The following OCA2 variants were observed in gnomAD, a reference collection of about 807,000 sequenced individuals.
OCA2 encodes the protein P protein.
Under a neutral mutation model 100.2 loss-of-function variants are expected in OCA2, and 77 were observed. The observed-to-expected ratio is 0.77, with a 90% CI of 0.64 to 0.93. The LOEUF (loss-of-function observed/expected upper bound fraction) is 0.93. Ranked by LOEUF, OCA2 falls within the 40% of genes least tolerant of loss-of-function variation. The pLI, the probability that OCA2 is intolerant of heterozygous loss-of-function variation, is 0.00. For missense variants in OCA2, 1,062 were observed against 1,089.1 expected, an observed-to-expected ratio of 0.98 and a Z score of 0.35; for synonymous variants, 432 against 439.2, an observed-to-expected ratio of 0.98 and a Z score of 0.21.
At chr15:27,740,684 C>T in the OCA2 span, among the ~76,000 whole-genome samples, 1 of 152,230 alleles carries the variant, frequency 6.6e-6, no homozygotes, top group East Asian at 1.9e-4. Context: ...AAATATTGAT[C>T]CTGATGACTG....
intron 14 of OCA2, among the ~76,000 whole-genome samples, chr15:27,971,613 C>T (rs149896220): frequency 2.6e-5 from 4 of 152,256 alleles, no homozygotes; most frequent in Non-Finnish European, 2.9e-5. Context: ...GGAAATTCCA[C>T]CGACAGAGAG....
At chr15:28,052,819 C>T (rs969713838) in intron 2 of OCA2, among the ~76,000 whole-genome samples, 1 of 152,116 alleles carries the variant, frequency 6.6e-6, no homozygotes. Flanking sequence ...CCAATAATTC[C>T]TCAATGGGTA....
chr15:27,975,370 A>T (rs1392237458), intron 14 of OCA2, among the ~76,000 whole-genome samples: 8 of 152,210 alleles, frequency 5.3e-5, no homozygotes, highest in African/African-American at 1.9e-4. Flanking sequence ...CTATTTTTCT[A>T]CCTATTCTAC....
At chr15:27,769,851 C>A (rs528054249) in intron 23 of OCA2, among the ~76,000 whole-genome samples, 21 of 152,240 alleles carry the variant, frequency 1.4e-4, no homozygotes, top group African/African-American at 4.8e-4. Flanking sequence ...TTGAGGCCTG[C>A]CCTCCCCAGC....
intron 23 of OCA2, 48 bp from the exon 24 acceptor site, chr15:27,755,520 C>T: frequency 6.9e-7 from 1 of 1,449,356 alleles, no homozygotes; most frequent in Non-Finnish European, 9.7e-7. Flanking sequence ...TCTGGATAAT[C>T]TCATGAGATA....
chr15:27,776,963 GGAGCGT>G (rs1009248294), intron 23 of OCA2, among the ~76,000 whole-genome samples: 13 of 149,174 alleles, frequency 8.7e-5, no homozygotes, highest in Non-Finnish European at 1.6e-4. Flanking sequence ...GTGGCGGCGG[GGAGCGT>G]GAGGTGGGGG....
At chr15:28,032,537 C>G (rs7496074) in intron 2 of OCA2, among the ~76,000 whole-genome samples, 67,810 of 151,820 alleles carry the variant, frequency 0.45, 21,396 homozygotes, top group East Asian at 0.9. Context: ...TGTAATCCCA[C>G]CACTTTGGGA....
chr15:27,726,677 A>C, the OCA2 span, among the ~76,000 whole-genome samples: 1 of 152,218 alleles, frequency 6.6e-6, no homozygotes, highest in African/African-American at 2.4e-5. Flanking sequence ...CCAGAGCAAA[A>C]GCTGGAGGAA....
intron 23 of OCA2, among the ~76,000 whole-genome samples, chr15:27,830,597 A>C (rs2034911182): frequency 1.3e-5 from 2 of 152,216 alleles, no homozygotes; most frequent in Non-Finnish European, 1.5e-5. Context: ...TTTCTAATAC[A>C]AATATCAACT....
intron 23 of OCA2, among the ~76,000 whole-genome samples, chr15:27,766,390 G>A (rs1211296047): frequency 6.6e-6 from 1 of 152,126 alleles, no homozygotes; most frequent in Non-Finnish European, 1.5e-5. Context: ...AGAGTTCCCA[G>A]CTAAGGAATC....
Position 28,043,283 on chromosome 15 carries a change from A to G in OCA2, c.228-11120T>C, listed in dbSNP as rs924125055. On this transcript the variant is annotated intron_variant, in intron 2 of 23. Coordinates refer to ENST00000354638, the MANE Select transcript of OCA2 (RefSeq NM_000275.3). The surrounding 1 kb of genome is among the most constrained non-coding windows in gnomAD (Gnocchi z 4.4). ...CAGTGGTAGGATTTTTGAAGTTTAC[A>G]ATTCAACAGAGAGACGGAGAGGTGG... Among the ~76,000 whole-genome samples the G allele has an allele frequency of 6.6e-5, 10 of 152,200 alleles. No homozygotes were observed. Among genetic ancestry groups the G allele is most frequent in the Non-Finnish European group, 1.5e-4 (10 of 68,036 alleles).
intron 23 of OCA2, among the ~76,000 whole-genome samples, chr15:27,770,211 C>A (rs765872039): frequency 6.6e-6 from 1 of 152,156 alleles, no homozygotes; most frequent in South Asian, 2.1e-4. Flanking sequence ...CGTTTCCAGG[C>A]GGGCGGAGGG....
At chr15:27,862,738 G>C (rs1054093993) in intron 21 of OCA2, among the ~76,000 whole-genome samples, 1 of 151,992 alleles carries the variant, frequency 6.6e-6, no homozygotes, top group African/African-American at 2.4e-5. Flanking sequence ...GCTTCCCAAA[G>C]TGCTAGGATT....
At chr15:27,901,810 C>T (rs2037948352) in intron 19 of OCA2, among the ~76,000 whole-genome samples, 1 of 152,226 alleles carries the variant, frequency 6.6e-6, no homozygotes, top group Non-Finnish European at 1.5e-5. Flanking sequence ...AGTCCCCAGA[C>T]GTAGCAGGTC....
intron 19 of OCA2, among the ~76,000 whole-genome samples, chr15:27,923,762 G>C (rs2038948535): frequency 1.3e-5 from 2 of 152,006 alleles, no homozygotes; most frequent in South Asian, 4.2e-4. Context: ...GTTCCTATTA[G>C]ACCTTTGTCA....
the OCA2 span, among the ~76,000 whole-genome samples, chr15:27,721,052 C>T: frequency 2.0e-5 from 3 of 152,124 alleles, no homozygotes; most frequent in African/African-American, 4.8e-5. Flanking sequence ...CTTGGCACTG[C>T]GCGGCTACCT....
At chr15:28,036,710 T>TA (rs150679867) in intron 2 of OCA2, among the ~76,000 whole-genome samples, 2 of 152,074 alleles carry the variant, frequency 1.3e-5, no homozygotes, top group African/African-American at 4.8e-5. Context: ...AAAAATGAGC[T>TA]AAAAAATGTT....
At chr15:27,822,003 T>G (rs1783672872) in intron 23 of OCA2, among the ~76,000 whole-genome samples, 1 of 152,250 alleles carries the variant, frequency 6.6e-6, no homozygotes, top group Non-Finnish European at 1.5e-5. Context: ...TAAGCATATC[T>G]GTGTTCCAAT....
At chr15:27,826,374 C>T (rs1284488504) in intron 23 of OCA2, among the ~76,000 whole-genome samples, 1 of 150,114 alleles carries the variant, frequency 6.7e-6, no homozygotes, top group Non-Finnish European at 1.5e-5. Context: ...CACACACACA[C>T]AGCAGTAAAC....
Sources: allele counts gnomAD v4.1 joint callset (sites outside exome capture counted in the v4.1 genomes callset), GRCh38; gene constraint gnomAD v4.1.1; non-coding constraint Gnocchi (gnomAD v3.1); transcripts MANE v1.5; gene names NCBI Gene and HGNC (gene_info 2026-07-23, HGNC 2026-07-21).